LPGAT1: variants seen among roughly 807,000 people sequenced by gnomAD.
LPGAT1 encodes lysophosphatidylglycerol acyltransferase 1, also known as acyl-CoA:lysophosphatidylglycerol acyltransferase 1.
Under a neutral mutation model 47.5 loss-of-function variants are expected in LPGAT1, and 11 were observed. The ratio of observed to expected loss-of-function variants is 0.23; its 90% confidence interval spans 0.15 to 0.38. The LOEUF (loss-of-function observed/expected upper bound fraction) is 0.38. LPGAT1 is among the 10% of genes least tolerant of loss of function. LPGAT1 has a pLI of 1.00. For synonymous variants in LPGAT1, 138 were observed against 144.2 expected (o/e 0.96, Z 0.31); for missense variants, 293 against 439.0 (o/e 0.67, Z 2.97).
intron 6 of LPGAT1, among the ~76,000 whole-genome samples, chr1:211,768,680 G>A (rs528144746): frequency 6.6e-6 from 1 of 152,278 alleles, no homozygotes; most frequent in East Asian, 1.9e-4. Context: ...TCTATGGTGT[G>A]ACATTATCTC....
intron 2 of LPGAT1, among the ~76,000 whole-genome samples, chr1:211,815,722 T>C (rs963431892): frequency 6.6e-6 from 1 of 151,558 alleles, no homozygotes; most frequent in Non-Finnish European, 1.5e-5. Flanking sequence ...ACTCCCTCCC[T>C]GCTGCAGCCA....
rs1290756040 is a variant in LPGAT1 at position 211,747,341 on chromosome 1, T to C, written c.*2558A>G. The C allele has an allele frequency of 6.6e-6, 1 of 152,152 alleles. No individual in the cohort carries two copies. Among genetic ancestry groups the C allele is most frequent in the Non-Finnish European group, 1.5e-5 (1 of 68,024 alleles). The allele number at this position is 152,152 out of a possible 1,614,324, so 9.4% of individuals were successfully genotyped here. A position where few individuals can be genotyped will look rare whatever the true frequency, so the allele number is the denominator to read the frequency against. ...ATAGGGCAGATCAAATACACATCTA[T>C]TTACAACTCACGGAGATATTTAAAA... On this transcript the variant is annotated 3_prime_UTR_variant, in exon 8 of 8. Transcript: ENST00000366997.
chr1:211,795,671 T>C (rs1291898867), intron 2 of LPGAT1, among the ~76,000 whole-genome samples: 1 of 152,064 alleles, frequency 6.6e-6, no homozygotes, highest in East Asian at 1.9e-4. Flanking sequence ...CCAGCCTAGT[T>C]ATGTTTTTAA....
chr1:211,813,492 T>C (rs1660068984), intron 2 of LPGAT1, among the ~76,000 whole-genome samples: 2 of 152,186 alleles, frequency 1.3e-5, no homozygotes, highest in South Asian at 4.1e-4. Context: ...AATTTTCAAA[T>C]ATGCAGGCCA....
rs545934527 is a variant in LPGAT1 at position 211,766,390 on chromosome 1, G to C, written c.854+12528C>G. ...ACAGATGATCCTTGACTTACAACGGGGTTACATTGTGATAAACCCATTGTA... is the reference window on the plus strand; with the variant it reads ...ACAGATGATCCTTGACTTACAACGGCGTTACATTGTGATAAACCCATTGTA... On this transcript the variant is annotated intron_variant, in intron 6 of 7. Transcript: ENST00000366997. Among the ~76,000 whole-genome samples the C allele has an allele frequency of 2.0e-5, 3 of 152,078 alleles. No individual in the cohort carries two copies. The South Asian group carries it at 6.2e-4, about 32-fold the overall frequency.
chr1:211,778,297 G>A (rs1378214790), intron 6 of LPGAT1, among the ~76,000 whole-genome samples: 6 of 147,832 alleles, frequency 4.1e-5, no homozygotes, highest in African/African-American at 1.0e-4. Context: ...AGCCGAGATC[G>A]CGCCACTGCA....
intron 2 of LPGAT1, 40 bp from the exon 3 acceptor site, chr1:211,793,230 AT>A: frequency 7.7e-7 from 1 of 1,296,852 alleles, no homozygotes; most frequent in Non-Finnish European, 1.1e-6. Flanking sequence ...CATTTTAAAG[AT>A]TTTTATATTA....
Position 211,747,372 on chromosome 1 carries a change from A to G in LPGAT1, c.*2527T>C, listed in dbSNP as rs531045091. On this transcript the variant is annotated 3_prime_UTR_variant, in exon 8 of 8. Coordinates refer to ENST00000366997, the MANE Select transcript of LPGAT1 (RefSeq NM_014873.3). ...ACTCACGGAGATATTTAAAAAAATT[A>G]ACTCACATATCTATTGGCATTTGTC... The G allele has an allele frequency of 6.6e-6, 1 of 152,306 alleles. No individual in the cohort carries two copies. Among genetic ancestry groups the G allele is most frequent in the African/African-American group, 2.4e-5 (1 of 41,570 alleles). The allele number at this position is 152,306 out of a possible 1,614,324, so 9.4% of individuals were successfully genotyped here. A position where few individuals can be genotyped will look rare whatever the true frequency, so the allele number is the denominator to read the frequency against.
chr1:211,825,922 T>C (rs1324526900), intron 2 of LPGAT1, among the ~76,000 whole-genome samples: 1 of 151,820 alleles, frequency 6.6e-6, no homozygotes, highest in Non-Finnish European at 1.5e-5. Context: ...ACTACACCAT[T>C]GCACTCTGGC....
intron 3 of LPGAT1, 51 bp from the exon 4 acceptor site, chr1:211,787,778 T>G (rs778757061): frequency 8.8e-7 from 1 of 1,132,892 alleles, no homozygotes; most frequent in East Asian, 2.4e-5. Context: ...AACCTGACTA[T>G]AGTTGAGCTG....
At position 211,749,771 on chromosome 1, in the gene LPGAT1, A is replaced by G; in HGVS notation, c.*128T>C. On this transcript the variant is annotated 3_prime_UTR_variant, in exon 8 of 8. Transcript: ENST00000366997. The stretch of plus-strand genomic sequence containing the variant: ...TAAAATATCCCAAAGGGGGATAAAT[A>G]TTAATCCATCCATTGAATTTCTTTT... The G allele has an allele frequency of 1.1e-6, 1 of 913,998 alleles. No homozygotes were observed. Among genetic ancestry groups the G allele is most frequent in the Non-Finnish European group, 1.7e-6 (1 of 575,872 alleles). 56.6% of individuals were successfully genotyped at this position (913,998 alleles called of 1,614,324 possible).
chr1:211,767,205 C>G (rs552840482), intron 6 of LPGAT1, among the ~76,000 whole-genome samples: 1 of 152,298 alleles, frequency 6.6e-6, no homozygotes, highest in South Asian at 2.1e-4. Flanking sequence ...GTGGCATGAT[C>G]TTGGCTCACT....
chr1:211,824,103 G>C (rs1442188370), intron 2 of LPGAT1, among the ~76,000 whole-genome samples: 1 of 152,142 alleles, frequency 6.6e-6, no homozygotes, highest in Admixed American at 6.5e-5. Flanking sequence ...AAAGGAAAAA[G>C]AGAACATTCA....
chr1:211,758,719 C>T (rs1245815275), intron 6 of LPGAT1, among the ~76,000 whole-genome samples: 7 of 152,130 alleles, frequency 4.6e-5, no homozygotes, highest in African/African-American at 1.7e-4. Flanking sequence ...AAAAAAGAAC[C>T]TCTAGTATAA....
intron 2 of LPGAT1, among the ~76,000 whole-genome samples, chr1:211,807,758 T>C (rs1659814484): frequency 6.6e-6 from 1 of 152,152 alleles, no homozygotes; most frequent in African/African-American, 2.4e-5. Context: ...CACAGAGATG[T>C]ATGTAAAATG....
intron 2 of LPGAT1, among the ~76,000 whole-genome samples, chr1:211,815,779 T>C (rs1044908339): frequency 1.3e-4 from 18 of 138,766 alleles, no homozygotes; most frequent in Admixed American, 2.8e-4. Context: ...TTTTCTTTTT[T>C]TTTTTTTTTT....
At chr1:211,807,317 T>C (rs1659795913) in intron 2 of LPGAT1, among the ~76,000 whole-genome samples, 1 of 151,634 alleles carries the variant, frequency 6.6e-6, no homozygotes, top group Non-Finnish European at 1.5e-5. Flanking sequence ...AGACTCAACA[T>C]AGCAAAAATG....
Position 211,746,267 on chromosome 1 carries a change from T to C in LPGAT1, c.*3632A>G, listed in dbSNP as rs1481367971. On this transcript the variant is annotated 3_prime_UTR_variant, in exon 8 of 8. Coordinates refer to ENST00000366997, the MANE Select transcript of LPGAT1 (RefSeq NM_014873.3). Reference sequence around the variant, plus strand: ...GCAACACTAGAATAATGTTCCCAGGTTTACATTTGGTGATTTCAGATTTCA... The same window carrying C: ...GCAACACTAGAATAATGTTCCCAGGCTTACATTTGGTGATTTCAGATTTCA... 6.6e-6 allele frequency: 1 copy of C among 152,606 alleles called. No homozygotes were observed. The highest frequency in any genetic ancestry group is 6.5e-5 in the Admixed American group (1 of 15,282). The allele number at this position is 152,606 out of a possible 1,614,324, so 9.5% of individuals were successfully genotyped here. A position where few individuals can be genotyped will look rare whatever the true frequency, so the allele number is the denominator to read the frequency against.
Position 211,749,935 on chromosome 1 carries a change from G to A in LPGAT1, c.1077C>T (p.Tyr359=). Residue 359 remains tyrosine (Y), a synonymous_variant, in exon 8 of 8, where the codon TAC becomes TAT. Coordinates refer to ENST00000366997, the MANE Select transcript of LPGAT1 (RefSeq NM_014873.3). The part of the protein sequence containing the change: ...SFAFLSGYMW[Y]NIIQYFYHCL... The stretch of plus-strand genomic sequence containing the variant: ...AATGGTAAAAATACTGAATGATGTT[G>A]TACCACATATAGCCTGACAAAAATG... The A allele has an allele frequency of 6.2e-7, 1 of 1,613,974 alleles. No individual in the cohort carries two copies. Among genetic ancestry groups the A allele is most frequent in the South Asian group, 1.1e-5 (1 of 91,072 alleles).
Sources: allele counts gnomAD v4.1 joint callset (sites outside exome capture counted in the v4.1 genomes callset), GRCh38; gene constraint gnomAD v4.1.1; transcripts MANE v1.5; gene names NCBI Gene and HGNC (gene_info 2026-07-23, HGNC 2026-07-21).